Variants in MIOX observed in about 807,000 individuals in gnomAD.
MIOX encodes myo-inositol oxygenase, also known as inositol oxygenase.
In MIOX, 51 loss-of-function variants were observed where a neutral mutation model predicts 42.7. That is an observed-to-expected ratio of 1.19 (90% confidence interval 0.95 to 1.51). MIOX has a LOEUF of 1.51. MIOX is among the 40% of genes most tolerant of loss of function. The probability of loss-of-function intolerance (pLI) is 0.00; values close to 1 mark genes in which losing one functional copy is unlikely to be tolerated. For synonymous variants in MIOX, 168 were observed against 154.4 expected (o/e 1.09, Z -0.65); for missense variants, 395 against 381.3 (o/e 1.04, Z -0.30).
At chr22:50,488,411 G>T (rs1024996073) in intron 5 of MIOX, 69 bp downstream of exon 5, 1 of 1,336,962 alleles carries the variant, frequency 7.5e-7, no homozygotes. Context: ...TGGCCTTGGT[G>T]CTTGGCCTGG....
At chr22:50,487,124 C>T (rs1569516317) in intron 1 of MIOX, among the ~76,000 whole-genome samples, 2 of 152,346 alleles carry the variant, frequency 1.3e-5, no homozygotes, top group South Asian at 2.1e-4. Context: ...GCCGCTCAGG[C>T]GTGGTGTCCC....
At position 50,488,048 on chromosome 22, in the gene MIOX, G is replaced by A. The variant is rs750700796; in HGVS notation, c.340G>A (p.Asp114Asn). Residue 114 changes from aspartate (D) to asparagine (N), a missense_variant and splice_region_variant, in exon 4 of 10, where the codon GAC (aspartate) becomes AAC (asparagine). Coordinates refer to ENST00000216075, the MANE Select transcript of MIOX (RefSeq NM_017584.6). ...EGIRKAHPDK[D>N]WFHLVGLLHD... The stretch of plus-strand genomic sequence containing the variant: ...CATCCGGAAGGCCCACCCAGACAAG[G>A]GTGAGCCCTGGCTGTGCTGCAGGGG... 1.2e-6 allele frequency: 2 copies of A among 1,613,490 alleles called. No individual in the cohort carries two copies. Among genetic ancestry groups the A allele is most frequent in the Non-Finnish European group, 8.5e-7 (1 of 1,179,828 alleles).
Position 50,489,049 on chromosome 22 carries a change from G to T in MIOX, c.418G>T (p.Val140Phe). 6.3e-7 allele frequency: 1 copy of T among 1,584,904 alleles called. No individual in the cohort carries two copies. The highest frequency in any genetic ancestry group is 1.7e-4 in the Middle Eastern group (1 of 5,990). ...ALFGEPQWAV[V>F]GDTFPVGCRP... ...TCCTGTCCCTCTGCAGTGGGCTGTC[G>T]TCGGCGACACCTTCCCCGTCGGATG... Residue 140 changes from valine (V) to phenylalanine (F), a missense_variant, in exon 6 of 10, where the codon GTC becomes TTC. Physicochemically the swap from Val to Phe is conservative, Grantham distance 50 (BLOSUM62 -1). Coordinates refer to ENST00000216075, the MANE Select transcript of MIOX (RefSeq NM_017584.6).
In MIOX at chr22:50,488,918, T is replaced by C. The variant is rs189462689; in HGVS notation, c.409-122T>C. 8.9e-3 allele frequency: 3,909 copies of C among 438,564 alleles called. 55 individuals are homozygous for C. Among genetic ancestry groups the C allele is most frequent in the Middle Eastern group, 0.025 (44 of 1,792 alleles). The allele number at this position is 438,564 out of a possible 1,614,324, so 27.2% of individuals were successfully genotyped here. On this transcript the variant is annotated intron_variant, in intron 5 of 9. Transcript: ENST00000216075. ...TCCCTCTGCAGTGGGCAGTCATCGG[T>C]GACACCTTCCCCCACTCCCCCCATG...
chr22:50,489,299 AG>A lies in MIOX; in HGVS notation c.586+6del. 3 of 1,354,420 alleles carry A rather than the reference AG, an allele frequency of 2.2e-6. No homozygotes were observed. The highest frequency in any genetic ancestry group is 1.2e-5 in the South Asian group (1 of 83,274). The allele number at this position is 1,354,420 out of a possible 1,614,324, so 83.9% of individuals were successfully genotyped here. A position where few individuals can be genotyped will look rare whatever the true frequency, so the allele number is the denominator to read the frequency against. Reference sequence around the variant, plus strand: ...CTCATGTCCTGGGGCCATGATGGTGAGGCCAGAGGCGGGCAGTGGGGCGGTG... The same window carrying A: ...CTCATGTCCTGGGGCCATGATGGTGAGCCAGAGGCGGGCAGTGGGGCGGTG... On this transcript the variant is annotated splice_donor_5th_base_variant and intron_variant, in intron 7 of 9. Transcript: ENST00000216075.
Position 50,487,937 on chromosome 22 carries a change from G to A in MIOX, c.229G>A (p.Val77Met), listed in dbSNP as rs201271118. 4.4e-4 allele frequency: 707 copies of A among 1,614,040 alleles called. 5 individuals are homozygous for A. The East Asian group carries it at 0.012, about 27-fold the overall frequency. The change falls in exon 4 of 10, where the codon GTG becomes ATG. Residue 77 changes from valine to methionine, a missense_variant. Physicochemically the swap from Val to Met is conservative, Grantham distance 21. Coordinates refer to ENST00000216075, the MANE Select transcript of MIOX (RefSeq NM_017584.6). Reference protein sequence around the residue: ...SYKKMTVMEAVDLLDGLVDES... With the variant: ...SYKKMTVMEAMDLLDGLVDES... ...CAAGAAAATGACAGTCATGGAGGCCGTGGACCTGCTGGATGGGCTGGTGGA... is the reference window on the plus strand; with the variant it reads ...CAAGAAAATGACAGTCATGGAGGCCATGGACCTGCTGGATGGGCTGGTGGA...
intron 2 of MIOX, 77 bp downstream of exon 2, chr22:50,487,542 C>T: frequency 6.4e-7 from 1 of 1,553,234 alleles, no homozygotes; most frequent in Non-Finnish European, 8.8e-7. Flanking sequence ...CACACAGTTC[C>T]AGGGGGTGCC....
rs2068294353 is a variant in MIOX, at chr22:50,487,960, G to A, written c.252G>A (p.Val84=). The A allele has an allele frequency of 3.1e-6, 5 of 1,614,024 alleles. No homozygotes were observed. The highest frequency in any genetic ancestry group is 2.2e-5 in the East Asian group (1 of 44,872). The change falls in exon 4 of 10, where the codon GTG becomes GTA. Residue 84 remains valine (V), a synonymous_variant. Transcript: ENST00000216075. ...CCGTGGACCTGCTGGATGGGCTGGT[G>A]GATGAGTCGGACCCGGACGTAGATT... ...MEAVDLLDGL[V]DESDPDVDFP...
chr22:50,489,054 C>T lies in MIOX; in HGVS notation c.423C>T (p.Gly141=), dbSNP rs765671520. Residue 141 remains glycine, a synonymous_variant, in exon 6 of 10, where the codon GGC becomes GGT. Transcript: ENST00000216075. ...TCCCTCTGCAGTGGGCTGTCGTCGGCGACACCTTCCCCGTCGGATGCCGTC... is the reference window on the plus strand; with the variant it reads ...TCCCTCTGCAGTGGGCTGTCGTCGGTGACACCTTCCCCGTCGGATGCCGTC... ...LFGEPQWAVV[G]DTFPVGCRPQ... The T allele has an allele frequency of 2.2e-5, 36 of 1,607,920 alleles. No individual in the cohort carries two copies. The Middle Eastern group carries it at 1.5e-3, about 66-fold the overall frequency.
rs1319257976 is a variant in MIOX at position 50,486,925 on chromosome 22, A to T, written c.15+13A>T. 6.2e-7 allele frequency: 1 copy of T among 1,613,506 alleles called. No individual in the cohort carries two copies. Among genetic ancestry groups the T allele is most frequent in the East Asian group, 2.2e-5 (1 of 44,870 alleles). On this transcript the variant is annotated intron_variant, in intron 1 of 9. Transcript: ENST00000216075. ...GAAGGTGACGGTGGTGAGTACCCAGACCCCATGCAGAGAGGCTCTGCTGAC... is the reference window on the plus strand; with the variant it reads ...GAAGGTGACGGTGGTGAGTACCCAGTCCCCATGCAGAGAGGCTCTGCTGAC...
intron 1 of MIOX, 78 bp downstream of exon 1, chr22:50,486,990 T>G: frequency 6.4e-7 from 1 of 1,574,606 alleles, no homozygotes; most frequent in Non-Finnish European, 8.7e-7. Context: ...CTCTTCTAGC[T>G]GGCACTGGCC....
In MIOX at chr22:50,489,269, G is replaced by T; in HGVS notation, c.560G>T (p.Arg187Met). ...TATCAGCCCCACTGTGGGCTCGACA[G>T]GGTCCTCATGTCCTGGGGCCATGAT... is the stretch of plus-strand genomic sequence containing the variant. The part of the protein sequence containing the change: ...GMYQPHCGLD[R>M]VLMSWGHDEY... Residue 187 changes from arginine to methionine, a missense_variant, in exon 7 of 10, where the codon AGG becomes ATG. Arg to Met is a moderately conservative substitution (Grantham distance 91, BLOSUM62 -1). Transcript: ENST00000216075. The T allele has an allele frequency of 6.2e-7, 1 of 1,600,378 alleles. No homozygotes were observed.
rs756049743 is a variant in MIOX, at chr22:50,488,058, G to C, written c.340+10G>C. Reference sequence around the variant, plus strand: ...GCCCACCCAGACAAGGGTGAGCCCTGGCTGTGCTGCAGGGGGGCAGGTGCT... The same window carrying C: ...GCCCACCCAGACAAGGGTGAGCCCTCGCTGTGCTGCAGGGGGGCAGGTGCT... On this transcript the variant is annotated intron_variant, in intron 4 of 9. Transcript: ENST00000216075. 1.2e-6 allele frequency: 2 copies of C among 1,613,238 alleles called. No individual in the cohort carries two copies. Among genetic ancestry groups the C allele is most frequent in the South Asian group, 2.2e-5 (2 of 91,074 alleles).
chr22:50,487,537 A>T (rs548846718), intron 2 of MIOX, 72 bp downstream of exon 2: 14 of 1,556,886 alleles, frequency 9.0e-6, no homozygotes, highest in Non-Finnish European at 1.2e-5. Flanking sequence ...CCCTTCACAC[A>T]GTTCCAGGGG....
intron 5 of MIOX, 65 bp from the exon 6 acceptor site, chr22:50,488,975 G>A: frequency 9.1e-7 from 1 of 1,098,918 alleles, no homozygotes; most frequent in African/African-American, 1.7e-5. Context: ...TCTGCAGTGG[G>A]TGGTCATCGG....
At chr22:50,488,161 G>A (rs1265611043) in intron 4 of MIOX, 113 bp downstream of exon 4, 1 of 1,584,286 alleles carries the variant, frequency 6.3e-7, no homozygotes, top group East Asian at 2.3e-5. Context: ...CAGCAGCCCT[G>A]CCTGGGTTGG....
chr22:50,487,084 C>T (rs561093247), intron 1 of MIOX, among the ~76,000 whole-genome samples, 172 bp downstream of exon 1: 41 of 152,338 alleles, frequency 2.7e-4, no homozygotes, highest in African/African-American at 9.4e-4. Flanking sequence ...CTCCCAAAGC[C>T]ACTTCCACCC....
chr22:50,489,173 G>C, intron 6 of MIOX, 24 bp downstream of exon 6: 1 of 1,612,384 alleles, frequency 6.2e-7, no homozygotes, highest in Non-Finnish European at 8.5e-7. Flanking sequence ...CTGAGGGCTG[G>C]GCCCCCTTCC....
chr22:50,489,818 C>G lies in MIOX; in HGVS notation c.820C>G (p.Leu274Val), dbSNP rs1316141173. 1 of 1,611,640 alleles carries G rather than the reference C, an allele frequency of 6.2e-7. No homozygotes were observed. ...CAAGCTGCGGCCCTACTACCAGGGG[C>G]TCATTGACAAGTACTGCCCTGGCAT... is the stretch of plus-strand genomic sequence containing the variant. The part of the protein sequence containing the change: ...VDKLRPYYQG[L>V]IDKYCPGILS... Residue 274 changes from leucine to valine, a missense_variant, in exon 10 of 10, where the codon CTC (leucine) becomes GTC (valine). Physicochemically the swap from Leu to Val is conservative, Grantham distance 32. Coordinates refer to ENST00000216075, the MANE Select transcript of MIOX (RefSeq NM_017584.6).
Sources: gnomAD v4.1 joint callset for allele counts (sites outside exome capture counted in the v4.1 genomes callset) on GRCh38, gnomAD v4.1.1 for gene constraint, MANE v1.5 for transcripts, NCBI Gene and HGNC (gene_info 2026-07-23, HGNC 2026-07-21) for gene names.